The following RBFOX1 variants were observed in gnomAD, a reference collection of about 807,000 sequenced individuals.
RBFOX1 encodes the protein RNA binding fox-1 homolog 1.
RBFOX1 carries 8 observed loss-of-function variants against 57.7 expected under a neutral mutation model. The observed-to-expected ratio is 0.14, with a 90% confidence interval of 0.08 to 0.25. The LOEUF is 0.25. Ranked by LOEUF, RBFOX1 falls within the 10% of genes least tolerant of loss-of-function variation. RBFOX1 has a pLI of 1.00. For synonymous variants in RBFOX1, 326 were observed against 222.4 expected (o/e 1.47, Z -4.15); for missense variants, 611 against 548.5 (o/e 1.11, Z -1.14).
intron 4 of RBFOX1, among the ~76,000 whole-genome samples, chr16:7,350,668 T>TG (rs1235596704): frequency 1.3e-5 from 2 of 152,218 alleles, no homozygotes; most frequent in East Asian, 3.8e-4. Flanking sequence ...TATCCACGAT[T>TG]GGCTAGTGAA....
At position 7,662,849 on chromosome 16, in the gene RBFOX1, A is replaced by G. The variant is rs561352529; in HGVS notation, c.891-2080A>G. Among the ~76,000 whole-genome samples, 6 of 152,360 alleles carry G rather than the reference A, an allele frequency of 3.9e-5. No homozygotes were observed. The East Asian group carries it at 1.2e-3, about 29-fold the overall frequency. ...CACTTACCTATTTTCCCTTTTTAAC[A>G]GATGAGTAAGTGAGGTTCAGATGTC... On this transcript the variant is annotated intron_variant, in intron 12 of 15. Coordinates refer to ENST00000550418, the MANE Select transcript of RBFOX1 (RefSeq NM_018723.4).
chr16:7,362,387 G>A (rs1257785680), intron 4 of RBFOX1, among the ~76,000 whole-genome samples: 1 of 151,478 alleles, frequency 6.6e-6, no homozygotes, highest in African/African-American at 2.4e-5. Flanking sequence ...ATGTGTTAAT[G>A]TGTGTGTGAT....
chr16:5,736,732 C>G (rs1166136143), intron 3 of RBFOX1, among the ~76,000 whole-genome samples: 4 of 152,032 alleles, frequency 2.6e-5, no homozygotes, highest in Non-Finnish European at 5.9e-5. Context: ...CCTCCCCTCT[C>G]TCCATCTGTG....
At chr16:6,331,568 A>G (rs554420340) in intron 2 of RBFOX1, among the ~76,000 whole-genome samples, 1 of 145,428 alleles carries the variant, frequency 6.9e-6, no homozygotes, top group Admixed American at 7.1e-5. Context: ...TGTATATAAT[A>G]TGTGTGTGTG....
chr16:6,977,178 A>G (rs1310298486), intron 3 of RBFOX1, among the ~76,000 whole-genome samples: 2 of 146,894 alleles, frequency 1.4e-5, no homozygotes, highest in African/African-American at 2.5e-5. Context: ...TCATATATAG[A>G]TCATATATAT....
At chr16:7,449,756 T>G (rs2098837359) in intron 4 of RBFOX1, among the ~76,000 whole-genome samples, 1 of 150,972 alleles carries the variant, frequency 6.6e-6, no homozygotes, top group African/African-American at 2.4e-5. Context: ...TTTGTTTTGT[T>G]TTTGTTTTTG....
At chr16:7,147,804 G>C (rs2075322000) in intron 4 of RBFOX1, among the ~76,000 whole-genome samples, 1 of 152,156 alleles carries the variant, frequency 6.6e-6, no homozygotes, top group African/African-American at 2.4e-5. Context: ...CTTTTTGGTA[G>C]AACGATTTAT....
intron 1 of RBFOX1, among the ~76,000 whole-genome samples, chr16:5,377,045 A>G (rs62017740): frequency 0.021 from 3,223 of 151,654 alleles, 92 homozygotes; most frequent in Middle Eastern, 0.071. Flanking sequence ...CTTCTGGGGG[A>G]GCCCAAACCA....
At chr16:6,481,731 A>G (rs1468747759) in intron 2 of RBFOX1, among the ~76,000 whole-genome samples, 2 of 152,192 alleles carry the variant, frequency 1.3e-5, no homozygotes, top group African/African-American at 2.4e-5. Context: ...TAGGGAGTGG[A>G]GCATGTTCTT....
chr16:6,807,928 G>A (rs999948044), intron 3 of RBFOX1, among the ~76,000 whole-genome samples: 4 of 131,170 alleles, frequency 3.0e-5, no homozygotes, highest in African/African-American at 6.3e-5. Flanking sequence ...ATATATATAG[G>A]GTATAATATG....
chr16:5,727,902 G>A (rs755885125), intron 3 of RBFOX1, among the ~76,000 whole-genome samples: 5 of 152,124 alleles, frequency 3.3e-5, no homozygotes, highest in African/African-American at 4.8e-5. Flanking sequence ...CCTACACTGG[G>A]CCTTCAACTC....
At position 7,362,607 on chromosome 16, in the gene RBFOX1, A is replaced by G. The variant is rs117043549; in HGVS notation, c.28-155540A>G. 4.4e-3 allele frequency among the ~76,000 whole-genome samples: 654 copies of G among 149,868 alleles called. 4 individuals are homozygous for G. Among genetic ancestry groups the G allele is most frequent in the Non-Finnish European group, 7.2e-3 (483 of 67,422 alleles). ...TATTAGTGTGTGGATGTTCTTGTGT[A>G]TATGTTTTGCGTGTAGTATGTGTTT... On this transcript the variant is annotated intron_variant, in intron 4 of 15. Transcript: ENST00000550418.
chr16:6,090,064 C>T (rs2096148782), intron 1 of RBFOX1: 1 of 152,060 alleles, frequency 6.6e-6, no homozygotes, highest in Non-Finnish European at 1.5e-5. Context: ...CCTTTCCTTG[C>T]CTTTTATAGC....
chr16:5,962,718 G>C (rs970302116), intron 4 of RBFOX1, among the ~76,000 whole-genome samples: 2 of 151,946 alleles, frequency 1.3e-5, no homozygotes, highest in African/African-American at 2.4e-5. Context: ...TAGTAAAAGT[G>C]GTAATAGTGT....
At chr16:6,118,242 C>G (rs1243649880) in intron 1 of RBFOX1, among the ~76,000 whole-genome samples, 3 of 152,166 alleles carry the variant, frequency 2.0e-5, no homozygotes, top group Non-Finnish European at 2.9e-5. Flanking sequence ...CTTCCAGGAT[C>G]CAATCCATTA....
chr16:6,822,488 C>T (rs1410625874), intron 3 of RBFOX1, among the ~76,000 whole-genome samples: 1 of 152,200 alleles, frequency 6.6e-6, no homozygotes, highest in African/African-American at 2.4e-5. Context: ...AAAACACATG[C>T]ATCAATCTGA....
intron 4 of RBFOX1, among the ~76,000 whole-genome samples, chr16:7,235,910 C>T (rs1439816602): frequency 1.9e-4 from 29 of 152,166 alleles, no homozygotes; most frequent in Admixed American, 1.9e-3. Flanking sequence ...TCCTTGCCCT[C>T]CTGTGAATGT....
chr16:6,824,594 A>T lies in RBFOX1; in HGVS notation c.-16+169944A>T, dbSNP rs911966882. ...ATACTAATACAAGTCTGTAAGTTAAAGGTGTGCTGTTTTGTCAACAGATTA... is the reference window on the plus strand; with the variant it reads ...ATACTAATACAAGTCTGTAAGTTAATGGTGTGCTGTTTTGTCAACAGATTA... On this transcript the variant is annotated intron_variant, in intron 3 of 15. Coordinates refer to ENST00000550418, the MANE Select transcript of RBFOX1 (RefSeq NM_018723.4). 7.9e-5 allele frequency among the ~76,000 whole-genome samples: 12 copies of T among 152,328 alleles called. No individual in the cohort carries two copies. The East Asian group carries it at 1.9e-3, about 24-fold the overall frequency.
At chr16:6,404,229 C>A (rs76298341) in intron 2 of RBFOX1, among the ~76,000 whole-genome samples, 18,537 of 152,136 alleles carry the variant, frequency 0.12, 1,644 homozygotes, top group African/African-American at 0.24. Flanking sequence ...ATAGCATTTG[C>A]ATTTGTATTA....
Sources: allele counts gnomAD v4.1 joint callset (sites outside exome capture counted in the v4.1 genomes callset), GRCh38; gene constraint gnomAD v4.1.1; transcripts MANE v1.5; gene names NCBI Gene and HGNC (gene_info 2026-07-23, HGNC 2026-07-21).